The following NSUN7 variants were observed in gnomAD, a reference collection of about 807,000 sequenced individuals.
NSUN7 encodes NOP2/Sun RNA methyltransferase family member 7.
In NSUN7, 39 loss-of-function variants were observed where a neutral mutation model predicts 58.5. That is an observed-to-expected ratio of 0.67 (90% CI 0.52 to 0.87). NSUN7 has a LOEUF of 0.87. NSUN7 is among the 40% of genes least tolerant of loss of function. The probability of loss-of-function intolerance (pLI) is 0.00; values close to 1 mark genes in which losing one functional copy is unlikely to be tolerated. For synonymous variants in NSUN7, 278 were observed against 303.7 expected, an observed-to-expected ratio of 0.92 and a Z score of 0.88; for missense variants, 765 against 844.1, an observed-to-expected ratio of 0.91 and a Z score of 1.16.
chr4:40,777,196 C>T (rs957058472), intron 7 of NSUN7, among the ~76,000 whole-genome samples: 2 of 152,160 alleles, frequency 1.3e-5, no homozygotes, highest in Admixed American at 1.3e-4. Flanking sequence ...TCTTAATTCC[C>T]AATTAGATTA....
Position 40,790,589 on chromosome 4 carries a change from G to GT in NSUN7, c.1037-7dup, listed in dbSNP as rs768125190. ...TAATATTTTACATTAAATTTTCTGT[G>GT]TTTTTTCCCCAGATATTGAAATACT... On this transcript the variant is annotated splice_polypyrimidine_tract_variant and intron_variant, in intron 7 of 11. Transcript: ENST00000381782. 6.1e-6 allele frequency: 9 copies of GT among 1,469,054 alleles called. No homozygotes were observed. Among genetic ancestry groups the GT allele is most frequent in the East Asian group, 2.3e-5 (1 of 43,476 alleles). 91.0% of individuals were successfully genotyped at this position (1,469,054 alleles called of 1,614,324 possible).
chr4:40,782,554 AAAAAAAAAG>A (rs1742626068), intron 7 of NSUN7, among the ~76,000 whole-genome samples: 1 of 151,592 alleles, frequency 6.6e-6, no homozygotes, highest in Non-Finnish European at 1.5e-5. Flanking sequence ...TCTCAAAAAA[AAAAAAAAAG>A]AAAAAAAGAA....
rs1740766063 is a variant in NSUN7 at position 40,750,587 on chromosome 4, C to T, written c.-91-16C>T. 3 of 1,344,528 alleles carry T rather than the reference C, an allele frequency of 2.2e-6. No homozygotes were observed. The highest frequency in any genetic ancestry group is 3.1e-6 in the Non-Finnish European group (3 of 975,954). 83.3% of individuals were successfully genotyped at this position (1,344,528 alleles called of 1,614,324 possible). A position where few individuals can be genotyped will look rare whatever the true frequency, so the allele number is the denominator to read the frequency against. On this transcript the variant is annotated splice_polypyrimidine_tract_variant and intron_variant, in intron 1 of 11. Coordinates refer to ENST00000381782, the MANE Select transcript of NSUN7 (RefSeq NM_024677.6). ...CAGAAAGAGTGATTTACTGCAATCACCTTCTCTCTTCACAGAGACCATGCT... is the reference window on the plus strand; with the variant it reads ...CAGAAAGAGTGATTTACTGCAATCATCTTCTCTCTTCACAGAGACCATGCT...
In NSUN7 at chr4:40,787,193, G is replaced by A. The variant is rs191339967; in HGVS notation, c.1037-3409G>A. Among the ~76,000 whole-genome samples, 5 of 151,946 alleles carry A rather than the reference G, an allele frequency of 3.3e-5. No individual in the cohort carries two copies. The East Asian group carries it at 7.7e-4, about 23-fold the overall frequency. ...ATATAATTTTACACTGCGGAAGGCC[G>A]CAGGGACCTCTGCCTAGGAAAACCA... On this transcript the variant is annotated intron_variant, in intron 7 of 11. Coordinates refer to ENST00000381782, the MANE Select transcript of NSUN7 (RefSeq NM_024677.6).
chr4:40,750,302 T>G lies in NSUN7; in HGVS notation c.-92+2T>G. On this transcript the variant is annotated splice_donor_variant, in intron 1 of 11. Coordinates refer to ENST00000381782, the MANE Select transcript of NSUN7 (RefSeq NM_024677.6). LOFTEE classifies it low-confidence loss of function (5UTR_SPLICE). The stretch of plus-strand genomic sequence containing the variant: ...CCCCGGGAACCATCCGCCCTCGGGG[T>G]AAGGGAGGAGTCGGGGGAGCCGGTG... 2 of 173,926 alleles carry G rather than the reference T, an allele frequency of 1.1e-5. No homozygotes were observed. The highest frequency in any genetic ancestry group is 2.4e-5 in the Non-Finnish European group (2 of 81,936). The allele number at this position is 173,926 out of a possible 1,614,324, so 10.8% of individuals were successfully genotyped here. A position where few individuals can be genotyped will look rare whatever the true frequency, so the allele number is the denominator to read the frequency against.
chr4:40,760,054 A>G (rs1031672450), intron 2 of NSUN7, among the ~76,000 whole-genome samples: 21 of 152,144 alleles, frequency 1.4e-4, no homozygotes, highest in Admixed American at 1.0e-3. Flanking sequence ...AAACAAAACC[A>G]AAAAAATTAG....
At chr4:40,769,064 CTCAATCTGTGTCTAATGCA>C (rs1218317265) in intron 4 of NSUN7, among the ~76,000 whole-genome samples, 5 of 152,218 alleles carry the variant, frequency 3.3e-5, no homozygotes, top group African/African-American at 1.2e-4. Flanking sequence ...CTCCCCTGCA[CTCAATCTGTGTCTAATGCA>C]TCAAGTCCTG....
intron 2 of NSUN7, among the ~76,000 whole-genome samples, chr4:40,751,999 A>G (rs139015419): frequency 9.8e-5 from 15 of 152,312 alleles, no homozygotes; most frequent in African/African-American, 3.1e-4. Flanking sequence ...TGTGGAATTG[A>G]CACTAGGAAA....
intron 2 of NSUN7, among the ~76,000 whole-genome samples, chr4:40,757,865 G>A (rs969360040): frequency 2.6e-5 from 4 of 151,296 alleles, no homozygotes; most frequent in Non-Finnish European, 4.4e-5. Flanking sequence ...AGGATGTTCT[G>A]TTCTCTTGTC....
At position 40,774,827 on chromosome 4, in the gene NSUN7, G is replaced by A. The variant is rs1385541036; in HGVS notation, c.702G>A (p.Leu234=). The A allele has an allele frequency of 1.9e-6, 3 of 1,556,690 alleles. No individual in the cohort carries two copies. In the East Asian group the frequency reaches 6.8e-5, roughly 35 times the overall value. The change falls in exon 6 of 12, where the codon TTG becomes TTA. Residue 234 remains leucine, a synonymous_variant. Coordinates refer to ENST00000381782, the MANE Select transcript of NSUN7 (RefSeq NM_024677.6). The stretch of plus-strand genomic sequence containing the variant: ...GCTATAATAAAGTCAAATCTGTATT[G>A]CATATTGATGATAAAGTCTTTGCTG... ...RRGYNKVKSV[L]HIDDKVFAVD...
intron 2 of NSUN7, among the ~76,000 whole-genome samples, chr4:40,753,746 G>A (rs976450147): frequency 3.9e-5 from 6 of 152,184 alleles, no homozygotes; most frequent in East Asian, 1.9e-4. Flanking sequence ...GAATTCCCAC[G>A]TATTGTGAGA....
At chr4:40,787,275 C>T (rs990900706) in intron 7 of NSUN7, among the ~76,000 whole-genome samples, 1 of 150,968 alleles carries the variant, frequency 6.6e-6, no homozygotes, top group Non-Finnish European at 1.5e-5. Flanking sequence ...ATCCTATGAC[C>T]CTGCCACATC....
chr4:40,799,108 T>C (rs1743463429), intron 10 of NSUN7, among the ~76,000 whole-genome samples: 1 of 118,504 alleles, frequency 8.4e-6, no homozygotes, highest in Admixed American at 9.0e-5. Flanking sequence ...TTTTTAAAGA[T>C]GGAATCTTGC....
chr4:40,785,346 G>T (rs186398633), intron 7 of NSUN7, among the ~76,000 whole-genome samples: 60 of 152,042 alleles, frequency 3.9e-4, no homozygotes, highest in Admixed American at 3.9e-3. Flanking sequence ...AGAAAAGTAG[G>T]AAATCCCATG....
chr4:40,771,281 A>G (rs1404075964), intron 4 of NSUN7, among the ~76,000 whole-genome samples: 2 of 152,128 alleles, frequency 1.3e-5, no homozygotes, highest in Admixed American at 6.6e-5. Context: ...TTATCATTCT[A>G]TATTTCCAGG....
chr4:40,784,834 G>A lies in NSUN7; in HGVS notation c.1037-5768G>A, dbSNP rs79951416. ...TTTATCTTAGTGGGAGATTTTAACA[G>A]ACCTCTCTCAAATTGAAAACAAATT... On this transcript the variant is annotated intron_variant, in intron 7 of 11. Coordinates refer to ENST00000381782, the MANE Select transcript of NSUN7 (RefSeq NM_024677.6). Among the ~76,000 whole-genome samples the A allele has an allele frequency of 7.3e-3, 1,109 of 152,262 alleles. 18 individuals are homozygous for A. The highest frequency in any genetic ancestry group is 0.025 in the African/African-American group (1,037 of 41,540).
At chr4:40,774,090 G>A (rs943145853) in intron 4 of NSUN7, among the ~76,000 whole-genome samples, 175 bp from the exon 5 acceptor site, 3 of 152,124 alleles carry the variant, frequency 2.0e-5, no homozygotes, top group Admixed American at 6.5e-5. Context: ...GAGCCGCTGC[G>A]CCTGGGCTTG....
chr4:40,786,031 T>C (rs1157703838), intron 7 of NSUN7: 1 of 1,507,870 alleles, frequency 6.6e-7, no homozygotes, highest in East Asian at 2.3e-5. Context: ...GTCAGTCTTA[T>C]AGCTGGATCA....
chr4:40,758,568 G>A (rs975056388), intron 2 of NSUN7, among the ~76,000 whole-genome samples: 12 of 151,968 alleles, frequency 7.9e-5, no homozygotes, highest in African/African-American at 2.7e-4. Flanking sequence ...TCTCACGCCT[G>A]TAACCCCAAC....
Sources: allele counts gnomAD v4.1 joint callset (sites outside exome capture counted in the v4.1 genomes callset), GRCh38; gene constraint gnomAD v4.1.1; transcripts MANE v1.5; gene names NCBI Gene and HGNC (gene_info 2026-07-23, HGNC 2026-07-21).